B9D1: variants seen among roughly 807,000 people sequenced by gnomAD.
B9D1 encodes the protein B9 domain containing 1, also known as B9 domain-containing protein 1.
A neutral mutation model predicts 26.1 loss-of-function variants in B9D1; 20 were observed. That is an observed-to-expected ratio of 0.77 (90% confidence interval 0.54 to 1.12). The LOEUF is 1.12. Among genes scored for constraint, B9D1 ranks in the 50% most tolerant of loss-of-function variants. The probability of loss-of-function intolerance (pLI) is 0.00; values close to 1 mark genes in which losing one functional copy is unlikely to be tolerated. For synonymous variants in B9D1, 105 were observed against 103.1 expected, an observed-to-expected ratio of 1.02 and a Z score of -0.11; for missense variants, 260 against 273.7, an observed-to-expected ratio of 0.95 and a Z score of 0.35.
intron 1 of B9D1, among the ~76,000 whole-genome samples, chr17:19,374,479 A>T (rs1912021898): frequency 6.6e-6 from 1 of 152,230 alleles, no homozygotes; most frequent in Admixed American, 6.5e-5. Flanking sequence ...AAGGATAGAA[A>T]TTTGACATTA....
At chr17:19,341,918 G>T (rs1908011566), downstream of B9D1, among the ~76,000 whole-genome samples, 1 of 152,170 alleles carries the variant, frequency 6.6e-6, no homozygotes. Context: ...GAGCTTGGAG[G>T]GCCTGGTGGT....
chr17:19,343,420 TGAA>T lies in B9D1; in HGVS notation c.511_513del (p.Phe171del). 5.6e-6 allele frequency: 9 copies of T among 1,614,068 alleles called. No individual in the cohort carries two copies. The highest frequency in any genetic ancestry group is 7.6e-6 in the Non-Finnish European group (9 of 1,179,986). ...TTCCTCATGTCCTTGGTCACCACGT[TGAA>T]GAGGAGGGTGACAAAGCCCTGAGAA... On this transcript the variant is annotated inframe_deletion, in exon 7 of 7. Coordinates refer to ENST00000261499, the MANE Select transcript of B9D1 (RefSeq NM_015681.6).
At chr17:19,365,990 T>C (rs1007368415), upstream of B9D1, among the ~76,000 whole-genome samples, 20 of 151,936 alleles carry the variant, frequency 1.3e-4, no homozygotes, top group African/African-American at 4.6e-4. This position sits in a 1 kb window ranked among gnomAD's most constrained non-coding sequence, Gnocchi z 5.0. Flanking sequence ...ACCTAGCTCA[T>C]CATCTCCTAC....
At chr17:19,369,332 GCACC>G (rs1157032536) in intron 1 of B9D1, among the ~76,000 whole-genome samples, 2 of 152,214 alleles carry the variant, frequency 1.3e-5, no homozygotes, top group African/African-American at 4.8e-5. Context: ...AGACAACTGT[GCACC>G]TCTTCCCAGG....
At chr17:19,362,750 T>A, upstream of B9D1, 1 of 1,484,308 alleles carries the variant, frequency 6.7e-7, no homozygotes, top group Non-Finnish European at 9.0e-7. Context: ...GGCGCCGTTA[T>A]AAGGGGGCGG....
intron 3 of B9D1, among the ~76,000 whole-genome samples, chr17:19,356,694 C>G (rs1205355164): frequency 6.6e-6 from 1 of 152,198 alleles, no homozygotes; most frequent in Non-Finnish European, 1.5e-5. Flanking sequence ...TTGAAATCAG[C>G]AAACACTCCC....
Position 19,343,427 on chromosome 17 carries a change from G to C in B9D1, c.507C>G (p.Leu169=), listed in dbSNP as rs758440762. Residue 169 remains leucine (L), a synonymous_variant, in exon 7 of 7, where the codon CTC becomes CTG. Coordinates refer to ENST00000261499, the MANE Select transcript of B9D1 (RefSeq NM_015681.6). ...TGTCCTTGGTCACCACGTTGAAGAG[G>C]AGGGTGACAAAGCCCTGAGAACGGA... ...TRVRSQGFVT[L]LFNVVTKDMR... is the part of the protein sequence containing the mutation. 1 of 1,614,198 alleles carries C rather than the reference G, an allele frequency of 6.2e-7. No individual in the cohort carries two copies. Among genetic ancestry groups the C allele is most frequent in the Non-Finnish European group, 8.5e-7 (1 of 1,180,024 alleles).
intron 1 of B9D1, among the ~76,000 whole-genome samples, chr17:19,375,038 C>T (rs1033693245): frequency 6.6e-6 from 1 of 152,224 alleles, no homozygotes; most frequent in East Asian, 1.9e-4. Context: ...GCCTGTAATC[C>T]CAGCACTTTG....
Position 19,370,535 on chromosome 17 carries a change from A to T in B9D1, c.-298+7324T>A, listed in dbSNP as rs1049971464. On this transcript the variant is annotated intron_variant, in intron 1 of 5. Coordinates refer to the B9D1 transcript ENST00000477478. The surrounding 1 kb of genome is among the most constrained non-coding windows in gnomAD (Gnocchi z 5.1). Reference sequence around the variant, plus strand: ...TTCTGGGATGGGCGATGTCAGCCTCAGTGTGTTTGCTCAGCTGCTGGGCTC... The same window carrying T: ...TTCTGGGATGGGCGATGTCAGCCTCTGTGTGTTTGCTCAGCTGCTGGGCTC... Among the ~76,000 whole-genome samples, 2 of 152,190 alleles carry T rather than the reference A, an allele frequency of 1.3e-5. No individual in the cohort carries two copies. The highest frequency in any genetic ancestry group is 4.8e-5 in the African/African-American group (2 of 41,442).
chr17:19,358,471 A>G (rs773506752), intron 2 of B9D1, among the ~76,000 whole-genome samples: 1 of 152,132 alleles, frequency 6.6e-6, no homozygotes, highest in African/African-American at 2.4e-5. Flanking sequence ...CCCCACTCCA[A>G]TGTGACTGCT....
At chr17:19,338,581 C>G (rs866928525), downstream of B9D1, among the ~76,000 whole-genome samples, 12 of 152,352 alleles carry the variant, frequency 7.9e-5, no homozygotes, top group Admixed American at 2.0e-4. Context: ...TGGGCGTGGC[C>G]ATATGACTAG....
At position 19,343,195 on chromosome 17, in the gene B9D1, T is replaced by C; in HGVS notation, c.*124A>G. ...TAGGCTCTCTGAAAATGAGACTTTATTATACAAAACTATTCTGTGTGCCCC... is the reference window on the plus strand; with the variant it reads ...TAGGCTCTCTGAAAATGAGACTTTACTATACAAAACTATTCTGTGTGCCCC... On this transcript the variant is annotated 3_prime_UTR_variant, in exon 7 of 7. Transcript: ENST00000261499. 2 of 1,511,798 alleles carry C rather than the reference T, an allele frequency of 1.3e-6. No homozygotes were observed. Among genetic ancestry groups the C allele is most frequent in the Non-Finnish European group, 8.8e-7 (1 of 1,137,044 alleles). 93.6% of individuals were successfully genotyped at this position (1,511,798 alleles called of 1,614,324 possible).
At chr17:19,344,203 A>G (rs1477879800) in intron 5 of B9D1, among the ~76,000 whole-genome samples, 1 of 152,156 alleles carries the variant, frequency 6.6e-6, no homozygotes, top group Non-Finnish European at 1.5e-5. Flanking sequence ...CTGAACCCCC[A>G]GAAATCCCAG....
chr17:19,341,399 C>T (rs1189416509), downstream of B9D1: 5 of 1,090,384 alleles, frequency 4.6e-6, no homozygotes, highest in Non-Finnish European at 4.7e-6. Context: ...TCCCATGACA[C>T]GTGGGGCACA....
intron 1 of B9D1, among the ~76,000 whole-genome samples, chr17:19,368,325 C>G (rs1410951495): frequency 6.6e-6 from 1 of 152,228 alleles, no homozygotes; most frequent in Non-Finnish European, 1.5e-5. Flanking sequence ...GTGACTCGGG[C>G]TAGGCATGCC....
upstream of B9D1, among the ~76,000 whole-genome samples, chr17:19,366,877 T>A (rs1911617027): frequency 6.6e-6 from 1 of 152,062 alleles, no homozygotes; most frequent in African/African-American, 2.4e-5. Flanking sequence ...ACTGTATGCC[T>A]GCGGTTCTAG....
At chr17:19,344,239 G>T (rs1908403879) in intron 5 of B9D1, among the ~76,000 whole-genome samples, 1 of 152,198 alleles carries the variant, frequency 6.6e-6, no homozygotes, top group South Asian at 2.1e-4. Context: ...TGAGGTGGGG[G>T]AGGGGAGGGG....
chr17:19,360,274 C>G, intron 2 of B9D1, 46 bp downstream of exon 2: 2 of 1,589,898 alleles, frequency 1.3e-6, no homozygotes, highest in Non-Finnish European at 1.7e-6. Context: ...TTCAGAAACC[C>G]CAAAAGTCAT....
intron 1 of B9D1, chr17:19,371,253 G>C (rs146101493): frequency 2.6e-5 from 4 of 152,442 alleles, no homozygotes; most frequent in Non-Finnish European, 4.4e-5. Flanking sequence ...CCAGTAGCTT[G>C]TGTGTACCTG....
Sources: gnomAD v4.1 joint callset for allele counts (sites outside exome capture counted in the v4.1 genomes callset) on GRCh38, gnomAD v4.1.1 for gene constraint, Gnocchi (gnomAD v3.1) non-coding constraint, MANE v1.5 for transcripts, NCBI Gene and HGNC (gene_info 2026-07-23, HGNC 2026-07-21) for gene names.